The following DOCK4 variants were observed in gnomAD, a reference collection of about 807,000 sequenced individuals.
DOCK4 encodes the protein dedicator of cytokinesis protein 4.
DOCK4 carries 97 observed loss-of-function variants against 268.1 expected under a neutral mutation model. That is an observed-to-expected ratio of 0.36 (90% CI 0.31 to 0.43). The LOEUF is 0.43. Ranked by LOEUF, DOCK4 falls within the 20% of genes least tolerant of loss-of-function variation. The pLI is 1.00. For missense variants in DOCK4, 2,145 were observed against 2,455.7 expected (o/e 0.87, Z 2.67); for synonymous variants, 954 against 887.2 (o/e 1.08, Z -1.34).
intron 1 of DOCK4, among the ~76,000 whole-genome samples, chr7:112,162,511 TTCTCTCTC>T (rs10551859): frequency 1.8e-4 from 25 of 140,716 alleles, no homozygotes; most frequent in Non-Finnish European, 3.0e-4. Flanking sequence ...GTCTCTTTCT[TTCTCTCTC>T]TCTCTCTCTC....
intron 8 of DOCK4, among the ~76,000 whole-genome samples, chr7:111,970,150 C>T (rs1258910582): frequency 6.6e-6 from 1 of 152,130 alleles, no homozygotes; most frequent in Non-Finnish European, 1.5e-5. Flanking sequence ...CCCCTTATGA[C>T]ACACTGGTGA....
At chr7:111,983,413 T>A (rs1798757540) in intron 7 of DOCK4, among the ~76,000 whole-genome samples, 1 of 152,144 alleles carries the variant, frequency 6.6e-6, no homozygotes, top group African/African-American at 2.4e-5. Flanking sequence ...AACTTTATGG[T>A]AAGAAGCAGC....
At chr7:112,174,526 A>T (rs1436242089) in intron 1 of DOCK4, among the ~76,000 whole-genome samples, 1 of 152,106 alleles carries the variant, frequency 6.6e-6, no homozygotes, top group African/African-American at 2.4e-5. Context: ...GCACATACAC[A>T]AACACACACA....
At chr7:112,165,980 GTTACTGAGGA>G (rs1817582234) in intron 1 of DOCK4, among the ~76,000 whole-genome samples, 1 of 152,118 alleles carries the variant, frequency 6.6e-6, no homozygotes, top group Non-Finnish European at 1.5e-5. Context: ...CACCACTGCT[GTTACTGAGGA>G]GTAACTAACT....
intron 42 of DOCK4, among the ~76,000 whole-genome samples, chr7:111,747,683 A>G (rs1859025): frequency 0.66 from 100,043 of 151,988 alleles, 33,468 homozygotes; most frequent in Non-Finnish European, 0.72. Context: ...ATAATCATCA[A>G]TTCTACATTA....
intron 1 of DOCK4, among the ~76,000 whole-genome samples, chr7:112,203,147 T>C (rs1821092522): frequency 6.6e-6 from 1 of 152,224 alleles, no homozygotes; most frequent in Non-Finnish European, 1.5e-5. Flanking sequence ...CTAAGTGATT[T>C]ACCTAAGGTT....
At chr7:112,134,986 CAT>C (rs902873800) in intron 1 of DOCK4, among the ~76,000 whole-genome samples, 8 of 151,966 alleles carry the variant, frequency 5.3e-5, no homozygotes, top group African/African-American at 1.9e-4. Flanking sequence ...ACCATTAAAA[CAT>C]ATATGTGTGT....
chr7:111,917,124 A>T (rs1792673437), intron 12 of DOCK4, among the ~76,000 whole-genome samples: 1 of 150,960 alleles, frequency 6.6e-6, no homozygotes, highest in South Asian at 2.1e-4. Flanking sequence ...AGTAGCTGGG[A>T]CTACAGGCGT....
At chr7:111,964,178 C>T (rs535506166) in intron 8 of DOCK4, among the ~76,000 whole-genome samples, 14 of 142,730 alleles carry the variant, frequency 9.8e-5, no homozygotes, top group Non-Finnish European at 1.9e-4. Context: ...AAAGCAGTTC[C>T]TCACCAGCAA....
At chr7:112,123,922 T>C (rs1192955064) in intron 1 of DOCK4, among the ~76,000 whole-genome samples, 1 of 152,200 alleles carries the variant, frequency 6.6e-6, no homozygotes, top group African/African-American at 2.4e-5. Context: ...TCTATAGTTA[T>C]ATGGCACACC....
At chr7:111,885,576 C>T (rs1422411396) in intron 16 of DOCK4, among the ~76,000 whole-genome samples, 3 of 152,086 alleles carry the variant, frequency 2.0e-5, no homozygotes, top group Non-Finnish European at 4.4e-5. Context: ...TTTGTTTTTT[C>T]CAGGGGAAAC....
At chr7:111,763,707 A>T (rs4730499) in intron 39 of DOCK4, among the ~76,000 whole-genome samples, 1 of 152,090 alleles carries the variant, frequency 6.6e-6, no homozygotes, top group Admixed American at 6.5e-5. Flanking sequence ...ATCCCCAGCC[A>T]TCTGTGTGGC....
intron 35 of DOCK4, among the ~76,000 whole-genome samples, chr7:111,780,227 G>A (rs115642807): frequency 0.025 from 3,880 of 152,172 alleles, 149 homozygotes; most frequent in African/African-American, 0.084. Flanking sequence ...TTCTAACTTT[G>A]AGACACTGAT....
chr7:111,948,910 A>C (rs1426736204), intron 8 of DOCK4, among the ~76,000 whole-genome samples: 1 of 142,798 alleles, frequency 7.0e-6, no homozygotes, highest in Non-Finnish European at 1.5e-5. Flanking sequence ...ACATGCTTAG[A>C]AAAAAAAAAA....
At chr7:112,007,416 A>G (rs1800948935) in intron 1 of DOCK4, among the ~76,000 whole-genome samples, 1 of 152,166 alleles carries the variant, frequency 6.6e-6, no homozygotes, top group South Asian at 2.1e-4. Flanking sequence ...CTCGTAACTA[A>G]AAGTATCTAA....
At chr7:112,190,228 T>C (rs1819827720) in intron 1 of DOCK4, among the ~76,000 whole-genome samples, 1 of 152,156 alleles carries the variant, frequency 6.6e-6, no homozygotes, top group East Asian at 1.9e-4. Flanking sequence ...TGTGTTACCC[T>C]CTAGAGAAAT....
chr7:112,096,343 T>G (rs1490683879), intron 1 of DOCK4, among the ~76,000 whole-genome samples: 1 of 152,076 alleles, frequency 6.6e-6, no homozygotes, highest in African/African-American at 2.4e-5. Context: ...ATTTTTTTAT[T>G]TTTTTATTTT....
chr7:112,072,885 C>T (rs1161342170), intron 1 of DOCK4, among the ~76,000 whole-genome samples: 4 of 152,182 alleles, frequency 2.6e-5, no homozygotes, highest in African/African-American at 7.2e-5. Context: ...GGGAAGAATG[C>T]CTCAAGTGAG....
intron 25 of DOCK4, among the ~76,000 whole-genome samples, chr7:111,838,039 T>C (rs867036238): frequency 6.3e-5 from 9 of 142,232 alleles, no homozygotes; most frequent in Admixed American, 1.5e-4. Flanking sequence ...TGAGCCAAGA[T>C]TGCACCACTG....
Sources: gnomAD v4.1 joint callset for allele counts (sites outside exome capture counted in the v4.1 genomes callset) on GRCh38, gnomAD v4.1.1 for gene constraint, MANE v1.5 for transcripts, NCBI Gene and HGNC (gene_info 2026-07-23, HGNC 2026-07-21) for gene names.